The following FSD1L variants were observed in gnomAD, a reference collection of about 807,000 sequenced individuals.
FSD1L encodes FSD1-like protein.
Under a neutral mutation model 71.6 loss-of-function variants are expected in FSD1L, and 45 were observed. That is an observed-to-expected ratio of 0.63 (90% confidence interval 0.49 to 0.81). The LOEUF (loss-of-function observed/expected upper bound fraction) is 0.81. Ranked by LOEUF, FSD1L falls within the 30% of genes least tolerant of loss-of-function variation. The pLI, the probability that FSD1L is intolerant of heterozygous loss-of-function variation, is 0.00. For missense variants in FSD1L, 561 were observed against 618.1 expected, an observed-to-expected ratio of 0.91 and a Z score of 0.98; for synonymous variants, 197 against 207.2, an observed-to-expected ratio of 0.95 and a Z score of 0.42.
chr9:105,482,054 T>C (rs988121855), intron 6 of FSD1L, among the ~76,000 whole-genome samples: 1 of 152,146 alleles, frequency 6.6e-6, no homozygotes, highest in African/African-American at 2.4e-5. Flanking sequence ...GGGTTACAGA[T>C]ATGAGCCACC....
At chr9:105,505,651 T>A (rs1172631558) in intron 7 of FSD1L, among the ~76,000 whole-genome samples, 1 of 152,226 alleles carries the variant, frequency 6.6e-6, no homozygotes, top group African/African-American at 2.4e-5. Context: ...TTCATTGATA[T>A]CATTATATAA....
At chr9:105,470,402 TTATTTTTGTTG>T (rs1831376296) in intron 4 of FSD1L, among the ~76,000 whole-genome samples, 1 of 152,198 alleles carries the variant, frequency 6.6e-6, no homozygotes, top group Admixed American at 6.5e-5. Flanking sequence ...GTCTTTCCCT[TTATTTTTGTTG>T]TATATTTCTT....
At chr9:105,492,167 A>T (rs970493726) in intron 7 of FSD1L, among the ~76,000 whole-genome samples, 2 of 152,252 alleles carry the variant, frequency 1.3e-5, no homozygotes, top group East Asian at 3.9e-4. Flanking sequence ...TTATTGCCTC[A>T]ATTTCAGAGC....
At chr9:105,448,728 G>GC (rs1829793673) in intron 1 of FSD1L, among the ~76,000 whole-genome samples, 1 of 152,104 alleles carries the variant, frequency 6.6e-6, no homozygotes, top group African/African-American at 2.4e-5. Context: ...CCTTTGTACC[G>GC]CCCACCGCTC....
Position 105,458,921 on chromosome 9 carries a change from T to G in FSD1L, c.16-2599T>G, listed in dbSNP as rs565869906. Among the ~76,000 whole-genome samples the G allele has an allele frequency of 3.3e-5, 5 of 152,342 alleles. No homozygotes were observed. The South Asian group carries it at 1.0e-3, about 32-fold the overall frequency. On this transcript the variant is annotated intron_variant, in intron 1 of 13. Transcript: ENST00000481272. ...TGATGGCCTAGCTTTCTGTCTTCGC[T>G]CTTGATTAAATTTGGAGGTCCTGGA...
Position 105,464,303 on chromosome 9 carries a change from C to T in FSD1L, c.179C>T (p.Thr60Ile), listed in dbSNP as rs1339507138. Reference protein sequence around the residue: ...KNDEIQNFIDTLHHTLKGVQE... With the variant: ...KNDEIQNFIDILHHTLKGVQE... Reference sequence around the variant, plus strand: ...GATGAAATTCAGAACTTTATTGATACACTACATCATACACTAAAAGGAGTT... The same window carrying T: ...GATGAAATTCAGAACTTTATTGATATACTACATCATACACTAAAAGGAGTT... The change falls in exon 3 of 14, where the codon ACA becomes ATA. Residue 60 changes from threonine to isoleucine, a missense_variant. Coordinates refer to ENST00000481272, the MANE Select transcript of FSD1L (RefSeq NM_001145313.3). The T allele has an allele frequency of 1.3e-6, 2 of 1,523,190 alleles. No individual in the cohort carries two copies. Among genetic ancestry groups the T allele is most frequent in the Non-Finnish European group, 1.8e-6 (2 of 1,125,170 alleles). 94.4% of individuals were successfully genotyped at this position (1,523,190 alleles called of 1,614,324 possible).
chr9:105,459,329 A>G (rs947866404), intron 1 of FSD1L, among the ~76,000 whole-genome samples: 5 of 152,204 alleles, frequency 3.3e-5, no homozygotes, highest in Non-Finnish European at 7.3e-5. Flanking sequence ...ACTGAGCACC[A>G]AGTTCCTTAG....
chr9:105,496,758 G>C (rs1006004448), intron 7 of FSD1L, among the ~76,000 whole-genome samples: 1 of 152,210 alleles, frequency 6.6e-6, no homozygotes, highest in African/African-American at 2.4e-5. Flanking sequence ...TCACTTACTA[G>C]TTTCAGGAGT....
rs190226791 is a variant in FSD1L at position 105,450,820 on chromosome 9, A to G, written c.15+2585A>G. 4.5e-3 allele frequency among the ~76,000 whole-genome samples: 683 copies of G among 152,190 alleles called. 7 individuals are homozygous for G. Among genetic ancestry groups the G allele is most frequent in the African/African-American group, 0.016 (659 of 41,542 alleles). On this transcript the variant is annotated intron_variant, in intron 1 of 13. Coordinates refer to ENST00000481272, the MANE Select transcript of FSD1L (RefSeq NM_001145313.3). ...ACAAAGCGCTGCGATTACAGGCTTG[A>G]GCCACTGTGCCCGGTCTTGCATTCA...
chr9:105,475,650 A>G (rs1831746715), intron 5 of FSD1L, among the ~76,000 whole-genome samples: 1 of 152,240 alleles, frequency 6.6e-6, no homozygotes, highest in Non-Finnish European at 1.5e-5. Flanking sequence ...GCACAGGTCA[A>G]ATTGTAGTTT....
intron 7 of FSD1L, among the ~76,000 whole-genome samples, chr9:105,485,857 A>T (rs1485724000): frequency 6.6e-6 from 1 of 151,788 alleles, no homozygotes; most frequent in East Asian, 1.9e-4. Context: ...GTTAGCCTGG[A>T]TGGTTTCGAT....
At chr9:105,447,358 C>G (rs974562729), upstream of FSD1L, among the ~76,000 whole-genome samples, 15 of 141,754 alleles carry the variant, frequency 1.1e-4, no homozygotes, top group Non-Finnish European at 2.0e-4. Flanking sequence ...AAGAGAATGA[C>G]TATAATTTAT....
At chr9:105,443,863 A>C, upstream of FSD1L, among the ~76,000 whole-genome samples, 1 of 152,214 alleles carries the variant, frequency 6.6e-6, no homozygotes, top group Non-Finnish European at 1.5e-5. Flanking sequence ...CTCAAAATTT[A>C]ATATGAATTA....
Position 105,546,492 on chromosome 9 carries a change from C to A in FSD1L, c.*9C>A. ...ATGTTGTTACTCAATAGTGTCTACT[C>A]AGAATACGTTTACCCTCCGTCTTGA... On this transcript the variant is annotated 3_prime_UTR_variant, in exon 14 of 14. Coordinates refer to ENST00000481272, the MANE Select transcript of FSD1L (RefSeq NM_001145313.3). 2 of 1,533,616 alleles carry A rather than the reference C, an allele frequency of 1.3e-6. No homozygotes were observed. Among genetic ancestry groups the A allele is most frequent in the East Asian group, 2.5e-5 (1 of 40,668 alleles).
intron 10 of FSD1L, among the ~76,000 whole-genome samples, chr9:105,517,809 A>G (rs1420414500): frequency 6.6e-6 from 1 of 152,226 alleles, no homozygotes; most frequent in East Asian, 1.9e-4. Context: ...CACACACAAC[A>G]ATATTAACCT....
chr9:105,454,321 T>A (rs1830231987), intron 1 of FSD1L, among the ~76,000 whole-genome samples: 1 of 152,226 alleles, frequency 6.6e-6, no homozygotes, highest in African/African-American at 2.4e-5. Flanking sequence ...ACAGAATTCT[T>A]TTGTATGCAT....
chr9:105,450,406 A>C (rs955216618), intron 1 of FSD1L, among the ~76,000 whole-genome samples: 2 of 152,230 alleles, frequency 1.3e-5, no homozygotes, highest in African/African-American at 4.8e-5. Context: ...TCTGGAGCCA[A>C]GTCTCCAGTT....
chr9:105,476,541 T>C (rs1266660126), intron 5 of FSD1L, among the ~76,000 whole-genome samples: 8 of 152,204 alleles, frequency 5.3e-5, no homozygotes, highest in African/African-American at 1.9e-4. Flanking sequence ...GAAGCTGCAA[T>C]GAATGTTTAG....
chr9:105,455,956 C>T (rs181129328), intron 1 of FSD1L, among the ~76,000 whole-genome samples: 4 of 152,302 alleles, frequency 2.6e-5, no homozygotes, highest in Admixed American at 6.5e-5. Context: ...GAATTTGACT[C>T]AGAAGTCTTC....
Sources: allele counts gnomAD v4.1 joint callset (sites outside exome capture counted in the v4.1 genomes callset), GRCh38; gene constraint gnomAD v4.1.1; transcripts MANE v1.5; gene names NCBI Gene and HGNC (gene_info 2026-07-23, HGNC 2026-07-21).